Variants in SNX29 observed in about 807,000 individuals in gnomAD.
SNX29 encodes the protein sorting nexin 29, also known as sorting nexin-29.
In SNX29, 78 loss-of-function variants were observed where a neutral mutation model predicts 102.1. The observed-to-expected ratio is 0.76, with a 90% confidence interval of 0.64 to 0.92. SNX29 has a LOEUF of 0.92. Ranked by LOEUF, SNX29 falls within the 40% of genes least tolerant of loss-of-function variation. The pLI is 0.00. For missense variants in SNX29, 1,280 were observed against 1,061.7 expected, an observed-to-expected ratio of 1.21 and a Z score of -2.86; for synonymous variants, 580 against 414.5, an observed-to-expected ratio of 1.40 and a Z score of -4.85.
chr16:12,530,968 T>C (rs1597770801), intron 20 of SNX29, among the ~76,000 whole-genome samples: 1 of 152,222 alleles, frequency 6.6e-6, no homozygotes, highest in South Asian at 2.1e-4. Flanking sequence ...AGTTAAGAGG[T>C]TTCCAGATTT....
chr16:12,535,492 G>C (rs569266108), intron 20 of SNX29, among the ~76,000 whole-genome samples: 1 of 152,116 alleles, frequency 6.6e-6, no homozygotes, highest in African/African-American at 2.4e-5. Flanking sequence ...CTTTTTTCCA[G>C]ATGAGGAAAC....
At chr16:12,536,902 G>A (rs2077101152) in intron 20 of SNX29, among the ~76,000 whole-genome samples, 1 of 152,238 alleles carries the variant, frequency 6.6e-6, no homozygotes, top group East Asian at 1.9e-4. Context: ...CTTGAGCCCG[G>A]GAGGTGGAGG....
chr16:12,533,275 GT>G (rs1183504945), intron 20 of SNX29, among the ~76,000 whole-genome samples: 2 of 152,222 alleles, frequency 1.3e-5, no homozygotes, highest in Non-Finnish European at 2.9e-5. Context: ...TGCAGAATCC[GT>G]AGCAGCTTCC....
intron 20 of SNX29, among the ~76,000 whole-genome samples, chr16:12,535,508 C>G (rs867450860): frequency 7.2e-5 from 11 of 152,294 alleles, no homozygotes; most frequent in African/African-American, 2.4e-4. Flanking sequence ...GAAACTGAGT[C>G]TCACAGAGTG....
chr16:12,415,600 T>G (rs2084597117), intron 18 of SNX29, among the ~76,000 whole-genome samples: 1 of 152,222 alleles, frequency 6.6e-6, no homozygotes, highest in Admixed American at 6.5e-5. Context: ...GCCCAGCGTC[T>G]GCCTCCGTCA....
intron 11 of SNX29, among the ~76,000 whole-genome samples, chr16:12,108,381 G>C (rs1161502952): frequency 6.6e-6 from 1 of 152,194 alleles, no homozygotes; most frequent in Non-Finnish European, 1.5e-5. Flanking sequence ...ATGAGAAAAA[G>C]ACAACTGGGC....
At chr16:12,152,989 G>T (rs557459451) in intron 13 of SNX29, among the ~76,000 whole-genome samples, 1 of 152,176 alleles carries the variant, frequency 6.6e-6, no homozygotes, top group Non-Finnish European at 1.5e-5. Flanking sequence ...CATCCATCAT[G>T]GTCATTAGGG....
chr16:12,539,487 A>T (rs2077226746), intron 20 of SNX29, among the ~76,000 whole-genome samples: 1 of 152,214 alleles, frequency 6.6e-6, no homozygotes, highest in Non-Finnish European at 1.5e-5. Flanking sequence ...ATCTAGTCAT[A>T]AAGGAATAAA....
chr16:12,566,930 G>A (rs1443041013), intron 20 of SNX29, among the ~76,000 whole-genome samples: 1 of 152,210 alleles, frequency 6.6e-6, no homozygotes, highest in Non-Finnish European at 1.5e-5. Flanking sequence ...CATTTTGTTA[G>A]CTTATCAGGG....
intron 20 of SNX29, among the ~76,000 whole-genome samples, chr16:12,525,754 C>G (rs1167175818): frequency 7.1e-6 from 1 of 141,310 alleles, no homozygotes; most frequent in East Asian, 2.1e-4. Context: ...TCAATTAACC[C>G]AACGGATGCT....
intron 15 of SNX29, among the ~76,000 whole-genome samples, chr16:12,324,086 G>A (rs2081042966): frequency 6.6e-6 from 1 of 152,060 alleles, no homozygotes; most frequent in South Asian, 2.1e-4. Flanking sequence ...CCATCGCAGT[G>A]TGCTGGGGTT....
chr16:12,435,392 C>T (rs149409356), intron 18 of SNX29, among the ~76,000 whole-genome samples: 3 of 152,312 alleles, frequency 2.0e-5, no homozygotes, highest in East Asian at 1.9e-4. Flanking sequence ...AGCGAGGAGA[C>T]GGTCAGGTAG....
intron 14 of SNX29, among the ~76,000 whole-genome samples, chr16:12,220,027 C>T (rs1344632409): frequency 3.3e-5 from 5 of 152,266 alleles, no homozygotes; most frequent in Admixed American, 3.3e-4. Context: ...GCTTTGTTGG[C>T]TTTGGCCCAG....
At chr16:12,567,189 C>T (rs1171976028) in intron 20 of SNX29, among the ~76,000 whole-genome samples, 14 of 152,164 alleles carry the variant, frequency 9.2e-5, no homozygotes, top group Non-Finnish European at 5.9e-5. Context: ...GACATTCTCA[C>T]TTGGCATCTT....
At chr16:12,520,023 T>A (rs985882643) in intron 19 of SNX29, among the ~76,000 whole-genome samples, 5 of 151,896 alleles carry the variant, frequency 3.3e-5, no homozygotes, top group African/African-American at 9.7e-5. Flanking sequence ...ATAATAATAA[T>A]AAAAAAGTAA....
intron 20 of SNX29, among the ~76,000 whole-genome samples, chr16:12,549,942 T>A (rs1329183554): frequency 3.3e-5 from 5 of 149,636 alleles, no homozygotes. Context: ...CTGTTTTTTA[T>A]AAGTAAAGTT....
At position 12,446,276 on chromosome 16, in the gene SNX29, G is replaced by A. The variant is rs193277465; in HGVS notation, c.2038-31443G>A. On this transcript the variant is annotated intron_variant, in intron 18 of 20. Coordinates refer to ENST00000566228, the MANE Select transcript of SNX29 (RefSeq NM_032167.5). ...TCACCATGTTGGCCAGGCTGGTCTC[G>A]AACTCCTGACCTCAAGTGATCCACC... Among the ~76,000 whole-genome samples the A allele has an allele frequency of 7.2e-4, 109 of 152,050 alleles. 2 individuals are homozygous for A. The East Asian group carries it at 0.021, about 29-fold the overall frequency.
intron 18 of SNX29, among the ~76,000 whole-genome samples, chr16:12,432,795 C>A (rs925225526): frequency 7.2e-5 from 11 of 152,240 alleles, no homozygotes; most frequent in African/African-American, 2.4e-4. Flanking sequence ...TGGCAGCTCA[C>A]AGAATGAAGT....
chr16:12,337,737 A>T (rs1335768480), intron 15 of SNX29, among the ~76,000 whole-genome samples: 1 of 152,202 alleles, frequency 6.6e-6, no homozygotes, highest in East Asian at 1.9e-4. Flanking sequence ...AGTGACGGTG[A>T]TGGCGTGGTT....
Sources: gnomAD v4.1 joint callset for allele counts (sites outside exome capture counted in the v4.1 genomes callset) on GRCh38, gnomAD v4.1.1 for gene constraint, MANE v1.5 for transcripts, NCBI Gene and HGNC (gene_info 2026-07-23, HGNC 2026-07-21) for gene names.